Variants in GPR158 observed in about 807,000 individuals in gnomAD.
GPR158 encodes G protein-coupled receptor 158.
In GPR158, 30 loss-of-function variants were observed where a neutral mutation model predicts 78.2. That is an observed-to-expected ratio of 0.38 (90% confidence interval 0.29 to 0.52). The LOEUF (loss-of-function observed/expected upper bound fraction) is 0.52, where lower values mean the gene tolerates loss of function less well. Ranked by LOEUF, GPR158 falls within the 20% of genes least tolerant of loss-of-function variation. GPR158 has a pLI of 0.83. For synonymous variants in GPR158, 581 were observed against 591.1 expected (o/e 0.98, Z 0.25); for missense variants, 1,463 against 1,523.5 (o/e 0.96, Z 0.66).
intron 2 of GPR158, among the ~76,000 whole-genome samples, chr10:25,289,185 C>T (rs1222763374): frequency 2.0e-5 from 3 of 152,146 alleles, no homozygotes; most frequent in East Asian, 3.9e-4. Flanking sequence ...ATAAGCCTGG[C>T]CCAGTGGTGG....
At chr10:25,212,034 T>C (rs941418287) in intron 1 of GPR158, among the ~76,000 whole-genome samples, 2 of 152,210 alleles carry the variant, frequency 1.3e-5, no homozygotes, top group Non-Finnish European at 2.9e-5. Flanking sequence ...CAAAAATTCA[T>C]ACAGAATTTT....
At position 25,412,350 on chromosome 10, in the gene GPR158, T is replaced by G. The variant is rs1484238378; in HGVS notation, c.1212T>G (p.Asp404Glu). ...PCREGCPFCADDSPCFVQEDK... is the reference protein window; with the variant it reads ...PCREGCPFCAEDSPCFVQEDK... ...GGGAGGGCTGCCCCTTCTGTGCTGA[T>G]GACAGCCCATGCTTCGTCCAGGAAG... Residue 404 changes from aspartate (D) to glutamate (E), a missense_variant, in exon 4 of 11, where the codon GAT becomes GAG. Coordinates refer to ENST00000376351, the MANE Select transcript of GPR158 (RefSeq NM_020752.3). 1 of 1,613,454 alleles carries G rather than the reference T, an allele frequency of 6.2e-7. No individual in the cohort carries two copies. Among genetic ancestry groups the G allele is most frequent in the Admixed American group, 1.7e-5 (1 of 60,028 alleles).
chr10:25,214,805 C>T (rs940749570), intron 1 of GPR158, among the ~76,000 whole-genome samples: 2 of 151,836 alleles, frequency 1.3e-5, no homozygotes, highest in Non-Finnish European at 2.9e-5. Flanking sequence ...GAGAAGATGG[C>T]CATTTACAAG....
At chr10:25,188,767 G>A (rs1852726351) in intron 1 of GPR158, among the ~76,000 whole-genome samples, 1 of 152,168 alleles carries the variant, frequency 6.6e-6, no homozygotes, top group East Asian at 1.9e-4. Flanking sequence ...GGCAACAGAA[G>A]CCAAAATTGA....
intron 5 of GPR158, among the ~76,000 whole-genome samples, chr10:25,533,714 C>A (rs149273489): frequency 4.6e-5 from 7 of 152,248 alleles, no homozygotes; most frequent in African/African-American, 1.7e-4. Context: ...TTTATAGCAC[C>A]AGGCATTCTA....
intron 1 of GPR158, among the ~76,000 whole-genome samples, chr10:25,182,419 T>C (rs1026998689): frequency 6.6e-6 from 1 of 152,230 alleles, no homozygotes; most frequent in Non-Finnish European, 1.5e-5. Flanking sequence ...AATTTGCCTC[T>C]GTAGTTGGCT....
At chr10:25,426,713 C>T (rs1244462792) in intron 4 of GPR158, among the ~76,000 whole-genome samples, 1 of 151,958 alleles carries the variant, frequency 6.6e-6, no homozygotes, top group East Asian at 1.9e-4. Flanking sequence ...TCACCAATCA[C>T]CATAACAGAT....
rs113114247 is a variant in GPR158, at chr10:25,277,131, A to T, written c.1008+55974A>T. On this transcript the variant is annotated intron_variant, in intron 2 of 10. Transcript: ENST00000376351. ...TGCCTATCCAATTTAAAAATTTTTA[A>T]AAGAAATTAGAGCCTTACCATGTTG... 3.2e-3 allele frequency among the ~76,000 whole-genome samples: 479 copies of T among 152,008 alleles called. 6 individuals are homozygous for T. The highest frequency in any genetic ancestry group is 0.011 in the African/African-American group (463 of 41,472).
rs947554093 is a variant in GPR158, at chr10:25,175,099, G to A, written c.-322G>A. Reference sequence around the variant, plus strand: ...GGTGGCGGCAGCCGGGCCGAGAGACGGACTCGGGCTGACTCCAGCCGCTGG... The same window carrying A: ...GGTGGCGGCAGCCGGGCCGAGAGACAGACTCGGGCTGACTCCAGCCGCTGG... On this transcript the variant is annotated 5_prime_UTR_variant, in exon 1 of 11. Transcript: ENST00000376351. The surrounding 1 kb of genome is among the most constrained non-coding windows in gnomAD (Gnocchi z 6.4). 1.2e-5 allele frequency: 3 copies of A among 240,948 alleles called. No homozygotes were observed. Among genetic ancestry groups the A allele is most frequent in the Non-Finnish European group, 2.4e-5 (3 of 124,804 alleles). The allele number at this position is 240,948 out of a possible 1,614,324, so 14.9% of individuals were successfully genotyped here.
At chr10:25,483,156 T>G (rs1835681513) in intron 5 of GPR158, among the ~76,000 whole-genome samples, 1 of 152,022 alleles carries the variant, frequency 6.6e-6, no homozygotes, top group Non-Finnish European at 1.5e-5. Context: ...TTTTCTAAAC[T>G]TAAGTCAGGT....
At chr10:25,440,695 T>C (rs1835056003) in intron 4 of GPR158, among the ~76,000 whole-genome samples, 1 of 152,216 alleles carries the variant, frequency 6.6e-6, no homozygotes, top group Non-Finnish European at 1.5e-5. Context: ...AAGTGCAGGA[T>C]TTTTGAGAAA....
At chr10:25,548,014 C>T (rs1338625875) in intron 5 of GPR158, among the ~76,000 whole-genome samples, 2 of 151,968 alleles carry the variant, frequency 1.3e-5, no homozygotes, top group Non-Finnish European at 1.5e-5. Context: ...CTTCCAAATC[C>T]CTTACTGCCT....
intron 3 of GPR158, among the ~76,000 whole-genome samples, chr10:25,410,547 C>G (rs957094163): frequency 3.9e-5 from 6 of 152,184 alleles, no homozygotes; most frequent in Admixed American, 3.3e-4. Flanking sequence ...ACCTAGGAGG[C>G]AGAGATTGCA....
intron 4 of GPR158, among the ~76,000 whole-genome samples, chr10:25,433,538 G>GTGTGTGTGTGTGTTGTGTGTGTGT (rs753421345): frequency 1.1e-5 from 1 of 93,020 alleles, no homozygotes; most frequent in African/African-American, 3.7e-5. Context: ...AGGGGTGTGT[G>GTGTGTGTGTGTGTTGTGTGTGTGT]TGTGTGTGTT....
intron 1 of GPR158, among the ~76,000 whole-genome samples, chr10:25,220,268 G>GTGC (rs1318859750): frequency 6.6e-6 from 1 of 152,204 alleles, no homozygotes; most frequent in Non-Finnish European, 1.5e-5. Flanking sequence ...GCTGCTAGTG[G>GTGC]TGCTGCTGGT....
intron 2 of GPR158, among the ~76,000 whole-genome samples, chr10:25,331,924 C>G (rs974281230): frequency 1.3e-5 from 2 of 151,854 alleles, no homozygotes; most frequent in Non-Finnish European, 2.9e-5. Flanking sequence ...ACTATTTGCT[C>G]TATTGGTGTA....
rs188956402 is a variant in GPR158, at chr10:25,376,762, G to T, written c.1009-19149G>T. 9.2e-5 allele frequency among the ~76,000 whole-genome samples: 14 copies of T among 151,682 alleles called. No homozygotes were observed. In the East Asian group the frequency reaches 2.3e-3, roughly 25 times the overall value. On this transcript the variant is annotated intron_variant, in intron 2 of 10. Coordinates refer to ENST00000376351, the MANE Select transcript of GPR158 (RefSeq NM_020752.3). ...TACTGTTGATGGATATTTTTATAGT[G>T]TATACATCCTGAATTAGCAGTTATT...
chr10:25,191,780 T>C (rs940475870), intron 1 of GPR158, among the ~76,000 whole-genome samples: 3 of 152,140 alleles, frequency 2.0e-5, no homozygotes, highest in Non-Finnish European at 4.4e-5. Flanking sequence ...GGAAGGTGCT[T>C]TATGAAGGCA....
intron 2 of GPR158, among the ~76,000 whole-genome samples, chr10:25,385,793 A>G (rs1022953405): frequency 6.6e-6 from 1 of 152,042 alleles, no homozygotes; most frequent in Non-Finnish European, 1.5e-5. Flanking sequence ...CCCACTTAAA[A>G]TCAGGTTATT....
Sources: gnomAD v4.1 joint callset for allele counts (sites outside exome capture counted in the v4.1 genomes callset) on GRCh38, gnomAD v4.1.1 for gene constraint, Gnocchi (gnomAD v3.1) non-coding constraint, MANE v1.5 for transcripts, NCBI Gene and HGNC (gene_info 2026-07-23, HGNC 2026-07-21) for gene names.